The following CCNI2 variants were observed in gnomAD, a reference collection of about 807,000 sequenced individuals.
CCNI2 encodes the protein cyclin I family member 2.
A neutral mutation model predicts 33.2 loss-of-function variants in CCNI2; 32 were observed. The observed-to-expected ratio is 0.96, with a 90% CI of 0.73 to 1.30. CCNI2 has a LOEUF of 1.30. Among genes scored for constraint, CCNI2 ranks in the 50% most tolerant of loss-of-function variants. The pLI is 0.00. For synonymous variants in CCNI2, 231 were observed against 219.9 expected (o/e 1.05, Z -0.45); for missense variants, 452 against 486.2 (o/e 0.93, Z 0.66).
Position 132,747,766 on chromosome 5 carries a change from G to C in CCNI2, c.271G>C (p.Ala91Pro), listed in dbSNP as rs803056. The change falls in exon 1 of 6, where the codon GCG becomes CCG. Residue 91 changes from alanine (A) to proline (P), a missense_variant. By Grantham distance (27) the Ala-to-Pro change is conservative. Transcript: ENST00000378731. This position sits in a 1 kb window ranked among gnomAD's most constrained non-coding sequence, Gnocchi z 4.1. ...GTAPAGKTAD[A>P]VPAAAPEQAP... The stretch of plus-strand genomic sequence containing the variant: ...GGCGCCAGCCGGGAAAACCGCAGAC[G>C]CGGTCCCCGCCGCCGCCCCAGAGCA... 0.15 allele frequency: 226,269 copies of C among 1,469,436 alleles called. 41,152 individuals carry two copies. The highest frequency in any genetic ancestry group is 0.81 in the African/African-American group (55,054 of 68,304). The allele number at this position is 1,469,436 out of a possible 1,614,324, so 91.0% of individuals were successfully genotyped here.
At chr5:132,751,878 T>C in intron 4 of CCNI2, 88 bp from the exon 5 acceptor site, 1 of 1,444,016 alleles carries the variant, frequency 6.9e-7, no homozygotes, top group East Asian at 2.5e-5. Context: ...TGTTCCCTGA[T>C]GGAAATTTAA....
At position 132,747,720 on chromosome 5, in the gene CCNI2, CG is replaced by C; in HGVS notation, c.226del (p.Val76CysfsTer107). 6.7e-7 allele frequency: 1 copy of C among 1,485,432 alleles called. No individual in the cohort carries two copies. Among genetic ancestry groups the C allele is most frequent in the Non-Finnish European group, 8.9e-7 (1 of 1,125,538 alleles). The allele number at this position is 1,485,432 out of a possible 1,614,324, so 92.0% of individuals were successfully genotyped here. A position where few individuals can be genotyped will look rare whatever the true frequency, so the allele number is the denominator to read the frequency against. ...TCCACGCGGCGTCCGCAGCAGTCCC[CG>C]TGCGGCCCCGGCGCGGTACGGCGCC... ...SLHAASAAVP[V>X]RPRRGTAPAG... is the part of the protein sequence containing the mutation. On this transcript the variant is annotated frameshift_variant, in exon 1 of 6. Transcript: ENST00000378731. LOFTEE classifies it high-confidence loss of function. This position sits in a 1 kb window ranked among gnomAD's most constrained non-coding sequence, Gnocchi z 4.1.
chr5:132,749,408 A>T lies in CCNI2; in HGVS notation c.619A>T (p.Asn207Tyr). 1 of 1,614,064 alleles carries T rather than the reference A, an allele frequency of 6.2e-7. No individual in the cohort carries two copies. Among genetic ancestry groups the T allele is most frequent in the Non-Finnish European group, 8.5e-7 (1 of 1,179,924 alleles). Residue 207 changes from asparagine (N) to tyrosine (Y), a missense_variant, in exon 3 of 6, where the codon AAT becomes TAT. Coordinates refer to ENST00000378731, the MANE Select transcript of CCNI2 (RefSeq NM_001039780.4). ...ITSLRLAAKV[N>Y]EEEEFIPQVK... is the part of the protein sequence containing the mutation. ...TTCCTTGAGGCTCGCTGCAAAAGTT[A>T]ATGAAGAAGAGGAGGTATGCATCCT...
chr5:132,754,159 C>T lies in CCNI2; in HGVS notation c.*1189C>T, dbSNP rs947359905. ...TTTCGTTAAAATTACACTTTAATTG[C>T]TTCCGATCCTGTATGAGTCTTATTT... On this transcript the variant is annotated 3_prime_UTR_variant, in exon 6 of 6. Transcript: ENST00000378731. The T allele has an allele frequency of 4.6e-6, 2 of 437,356 alleles. No homozygotes were observed. The highest frequency in any genetic ancestry group is 8.2e-6 in the Non-Finnish European group (2 of 242,932). 27.1% of individuals were successfully genotyped at this position (437,356 alleles called of 1,614,324 possible).
chr5:132,748,440 C>T lies in CCNI2; in HGVS notation c.523C>T (p.Leu175Phe), dbSNP rs767518495. ...CTCCCAGTCCACTTTTAACCTGGCC[C>T]TCACCATCTTTGGCCGCCTCCTGAT... ...YFSQSTFNLA[L>F]TIFGRLLISV... Residue 175 changes from leucine (L) to phenylalanine (F), a missense_variant, in exon 2 of 6, where the codon CTC (leucine) becomes TTC (phenylalanine). By Grantham distance (22) the Leu-to-Phe change is conservative. Coordinates refer to ENST00000378731, the MANE Select transcript of CCNI2 (RefSeq NM_001039780.4). 2.5e-6 allele frequency: 4 copies of T among 1,614,204 alleles called. No individual in the cohort carries two copies. The highest frequency in any genetic ancestry group is 2.2e-5 in the East Asian group (1 of 44,872).
In CCNI2 at chr5:132,748,566, A is replaced by G. The variant is rs970779903; in HGVS notation, c.558+91A>G. On this transcript the variant is annotated intron_variant, in intron 2 of 5. Coordinates refer to ENST00000378731, the MANE Select transcript of CCNI2 (RefSeq NM_001039780.4). The stretch of plus-strand genomic sequence containing the variant: ...CTGCTTGAGAGGTGAGGGTTTCCAG[A>G]TGCTCAAAACCAAGGTGTATAAACT... 5.9e-6 allele frequency: 9 copies of G among 1,526,060 alleles called. No homozygotes were observed. In the African/African-American group the frequency reaches 1.1e-4, roughly 19 times the overall value. The allele number at this position is 1,526,060 out of a possible 1,614,324, so 94.5% of individuals were successfully genotyped here.
In CCNI2 at chr5:132,754,210, G is replaced by A. The variant is rs1581130591; in HGVS notation, c.*1240G>A. 2.9e-5 allele frequency: 16 copies of A among 544,534 alleles called. No homozygotes were observed. The highest frequency in any genetic ancestry group is 2.9e-4 in the South Asian group (11 of 38,306). 33.7% of individuals were successfully genotyped at this position (544,534 alleles called of 1,614,324 possible). On this transcript the variant is annotated 3_prime_UTR_variant, in exon 6 of 6. Transcript: ENST00000378731. ...TGAGCTACCATGCATTTAGCCTTGC[G>A]AGAGTCAGATACATTTGGAACACTA...
chr5:132,749,592 G>C lies in CCNI2; in HGVS notation c.633+170G>C, dbSNP rs368176503. Reference sequence around the variant, plus strand: ...CCCTTCCATCGGCTTGTCAGGCTTTGAGACCCCACAAATGAACAAGTAGAG... The same window carrying C: ...CCCTTCCATCGGCTTGTCAGGCTTTCAGACCCCACAAATGAACAAGTAGAG... On this transcript the variant is annotated intron_variant, in intron 3 of 5. Transcript: ENST00000378731. Among the ~76,000 whole-genome samples the C allele has an allele frequency of 2.8e-4, 43 of 152,072 alleles. No individual in the cohort carries two copies. The South Asian group carries it at 8.5e-3, about 30-fold the overall frequency.
In CCNI2 at chr5:132,749,423, G is replaced by GTA; in HGVS notation, c.633+3_633+4dup. 1.2e-6 allele frequency: 2 copies of GTA among 1,613,574 alleles called. No individual in the cohort carries two copies. Among genetic ancestry groups the GTA allele is most frequent in the Non-Finnish European group, 1.7e-6 (2 of 1,179,498 alleles). ...TGCAAAAGTTAATGAAGAAGAGGAG[G>GTA]TATGCATCCTTGGAAGTCCACACTG... is the stretch of plus-strand genomic sequence containing the variant. On this transcript the variant is annotated splice_donor_variant, in intron 3 of 5. Coordinates refer to ENST00000378731, the MANE Select transcript of CCNI2 (RefSeq NM_001039780.4). LOFTEE classifies it high-confidence loss of function.
chr5:132,748,196 G>A, intron 1 of CCNI2, 151 bp from the exon 2 acceptor site: 1 of 1,152,558 alleles, frequency 8.7e-7, no homozygotes. Flanking sequence ...GAGCCGCTGC[G>A]CCGGGGGGCG....
downstream of CCNI2, chr5:132,754,668 C>A: frequency 1.7e-6 from 1 of 603,306 alleles, no homozygotes; most frequent in Non-Finnish European, 3.0e-6. Flanking sequence ...TTTTAAAAAT[C>A]TTATGTGCTT....
At chr5:132,755,335 C>T (rs1755228265), downstream of CCNI2, among the ~76,000 whole-genome samples, 1 of 152,152 alleles carries the variant, frequency 6.6e-6, no homozygotes, top group South Asian at 2.1e-4. Context: ...GGCTTTCTAC[C>T]TCTAAAAAAC....
chr5:132,751,617 A>C, intron 4 of CCNI2: 1 of 331,732 alleles, frequency 3.0e-6, no homozygotes, highest in South Asian at 5.3e-5. Flanking sequence ...CAAGTTGCAG[A>C]GTTTCGTCTT....
intron 2 of CCNI2, among the ~76,000 whole-genome samples, chr5:132,748,974 G>A (rs756775787): frequency 6.6e-6 from 1 of 152,150 alleles, no homozygotes; most frequent in Non-Finnish European, 1.5e-5. Context: ...TAAAACAAAC[G>A]GCTGGGCGCA....
chr5:132,749,975 TCTC>T lies in CCNI2; in HGVS notation c.633+556_633+558del, dbSNP rs758407061. On this transcript the variant is annotated intron_variant, in intron 3 of 5. Coordinates refer to ENST00000378731, the MANE Select transcript of CCNI2 (RefSeq NM_001039780.4). ...GTGGCATCTGTTCAGGAGGAGATCATCTCCTAATACCCTTTCCAAGCTTTCCTA... is the reference window on the plus strand; with the variant it reads ...GTGGCATCTGTTCAGGAGGAGATCATCTAATACCCTTTCCAAGCTTTCCTA... Among the ~76,000 whole-genome samples the T allele has an allele frequency of 4.9e-4, 75 of 152,200 alleles. 1 individual carries two copies. The highest frequency in any genetic ancestry group is 2.0e-3 in the Admixed American group (30 of 15,288).
In CCNI2 at chr5:132,748,394, G is replaced by C. The variant is rs765981033; in HGVS notation, c.477G>C (p.Arg159=). The change falls in exon 2 of 6, where the codon CGG becomes CGC. Residue 159 remains arginine, a synonymous_variant. Coordinates refer to ENST00000378731, the MANE Select transcript of CCNI2 (RefSeq NM_001039780.4). ...AGGAAGTCGTGCTGTGGCTCCTGCG[G>C]CTTCAGAACACCTTTTACTTCTCCC... The part of the protein sequence containing the change: ...AFEEVVLWLL[R]LQNTFYFSQS... The C allele has an allele frequency of 8.7e-6, 14 of 1,614,062 alleles. No individual in the cohort carries two copies. The African/African-American group carries it at 1.6e-4, about 18-fold the overall frequency.
intron 3 of CCNI2, 130 bp from the exon 4 acceptor site, chr5:132,750,727 A>G (rs1028452619): frequency 4.5e-6 from 4 of 896,104 alleles, no homozygotes; most frequent in Non-Finnish European, 1.7e-6. Context: ...TTCTTTCAGA[A>G]GCATTTTCTG....
chr5:132,748,049 C>T (rs1204378878), intron 1 of CCNI2, 125 bp downstream of exon 1: 1 of 1,071,224 alleles, frequency 9.3e-7, no homozygotes, highest in African/African-American at 1.6e-5. Context: ...TGGCCCCTCA[C>T]GAGAGGCACG....
chr5:132,748,755 C>T (rs568320282), intron 2 of CCNI2, among the ~76,000 whole-genome samples: 6 of 152,142 alleles, frequency 3.9e-5, no homozygotes, highest in Admixed American at 3.9e-4. Context: ...CTCGACCTGT[C>T]GAGGGCAGCT....
Sources: allele counts gnomAD v4.1 joint callset (sites outside exome capture counted in the v4.1 genomes callset), GRCh38; gene constraint gnomAD v4.1.1; non-coding constraint Gnocchi (gnomAD v3.1); transcripts MANE v1.5; gene names NCBI Gene and HGNC (gene_info 2026-07-23, HGNC 2026-07-21).